Variants in KDM7A observed in about 807,000 individuals in gnomAD.
The protein encoded by KDM7A is lysine-specific demethylase 7A.
KDM7A carries 28 observed loss-of-function variants against 114.8 expected under a neutral mutation model. The observed-to-expected ratio is 0.24, with a 90% confidence interval of 0.18 to 0.33. KDM7A has a LOEUF of 0.33. Ranked by LOEUF, KDM7A falls within the 10% of genes least tolerant of loss-of-function variation. KDM7A has a pLI of 1.00. For missense variants in KDM7A, 942 were observed against 1,142.5 expected (o/e 0.82, Z 2.53); for synonymous variants, 423 against 397.8 (o/e 1.06, Z -0.75).
intron 1 of KDM7A, among the ~76,000 whole-genome samples, chr7:140,161,870 G>C (rs923745433): frequency 7.2e-5 from 11 of 152,100 alleles, no homozygotes; most frequent in African/African-American, 2.7e-4. Flanking sequence ...AAGGGATACT[G>C]TATATATCAA....
intron 1 of KDM7A, among the ~76,000 whole-genome samples, chr7:140,170,013 T>C (rs1794620752): frequency 6.6e-6 from 1 of 152,148 alleles, no homozygotes. Context: ...ACAATGAAAT[T>C]GAGAAGTTCA....
intron 1 of KDM7A, among the ~76,000 whole-genome samples, chr7:140,146,004 T>C (rs974405900): frequency 6.6e-6 from 1 of 152,200 alleles, no homozygotes; most frequent in Non-Finnish European, 1.5e-5. Flanking sequence ...CTCTCTCTAG[T>C]GTCTACTTGT....
chr7:140,136,134 C>A (rs1425383574), intron 2 of KDM7A, among the ~76,000 whole-genome samples: 2 of 152,110 alleles, frequency 1.3e-5, no homozygotes, highest in Non-Finnish European at 2.9e-5. Context: ...TGAAGTGCAT[C>A]AGCTTTGGAA....
intron 11 of KDM7A, among the ~76,000 whole-genome samples, chr7:140,110,857 T>A (rs1392553699): frequency 6.6e-6 from 1 of 152,226 alleles, no homozygotes; most frequent in East Asian, 1.9e-4. Flanking sequence ...TTTTTTTAAG[T>A]ATCCTAAACT....
At chr7:140,117,713 C>T (rs1208074991) in intron 9 of KDM7A, among the ~76,000 whole-genome samples, 1 of 152,170 alleles carries the variant, frequency 6.6e-6, no homozygotes, top group African/African-American at 2.4e-5. Flanking sequence ...AGACTATAAA[C>T]TCTATTGTCC....
chr7:140,091,034 C>T lies in KDM7A; in HGVS notation c.*60G>A. On this transcript the variant is annotated 3_prime_UTR_variant, in exon 20 of 20. Transcript: ENST00000397560. The stretch of plus-strand genomic sequence containing the variant: ...CCAGGCAGGGGGACAGCGGAAGCTC[C>T]AGGCTCCTGCACCCCTAGACTGGTC... 1 of 1,228,424 alleles carries T rather than the reference C, an allele frequency of 8.1e-7. No homozygotes were observed. The highest frequency in any genetic ancestry group is 1.2e-6 in the Non-Finnish European group (1 of 829,220). The allele number at this position is 1,228,424 out of a possible 1,614,324, so 76.1% of individuals were successfully genotyped here. A position where few individuals can be genotyped will look rare whatever the true frequency, so the allele number is the denominator to read the frequency against.
chr7:140,116,916 G>C (rs1818539645), intron 9 of KDM7A, among the ~76,000 whole-genome samples: 1 of 152,212 alleles, frequency 6.6e-6, no homozygotes, highest in Non-Finnish European at 1.5e-5. Context: ...AAGAGTTTCA[G>C]GTGATTCAAC....
At chr7:140,102,862 T>G (rs1818255711) in intron 11 of KDM7A, among the ~76,000 whole-genome samples, 1 of 152,250 alleles carries the variant, frequency 6.6e-6, no homozygotes, top group Non-Finnish European at 1.5e-5. Context: ...GTTTTAAAAA[T>G]TAAATATTCT....
intron 1 of KDM7A, among the ~76,000 whole-genome samples, chr7:140,166,335 C>CTT (rs746518929): frequency 8.2e-4 from 105 of 128,642 alleles, no homozygotes; most frequent in East Asian, 1.3e-3. Flanking sequence ...CTTTTTTTTC[C>CTT]TTTTTTTTTT....
chr7:140,147,316 T>C (rs1794349582), intron 1 of KDM7A, among the ~76,000 whole-genome samples: 1 of 152,206 alleles, frequency 6.6e-6, no homozygotes, highest in Non-Finnish European at 1.5e-5. Context: ...GCAAACTTAC[T>C]TGAAAACTAA....
At chr7:140,095,994 T>C (rs1818102716) in intron 17 of KDM7A, among the ~76,000 whole-genome samples, 1 of 152,210 alleles carries the variant, frequency 6.6e-6, no homozygotes, top group South Asian at 2.1e-4. Context: ...AGGCATTCAA[T>C]TTTAATATAG....
At chr7:140,117,187 A>G (rs1232970292) in intron 9 of KDM7A, among the ~76,000 whole-genome samples, 1 of 152,230 alleles carries the variant, frequency 6.6e-6, no homozygotes, top group Non-Finnish European at 1.5e-5. Context: ...GAAACATCTT[A>G]AAACAACCCA....
intron 13 of KDM7A, among the ~76,000 whole-genome samples, chr7:140,099,247 T>G (rs1818163623): frequency 6.6e-6 from 1 of 152,156 alleles, no homozygotes; most frequent in Admixed American, 6.5e-5. Context: ...CTGGCTGGAG[T>G]GCAGTGGCAC....
chr7:140,158,737 T>C (rs575582662), intron 1 of KDM7A, among the ~76,000 whole-genome samples: 5 of 152,190 alleles, frequency 3.3e-5, no homozygotes, highest in Non-Finnish European at 7.4e-5. Flanking sequence ...AGTTAAGAAC[T>C]GAGAAGGAGG....
intron 13 of KDM7A, among the ~76,000 whole-genome samples, 170 bp downstream of exon 13, chr7:140,099,729 A>G (rs1818171702): frequency 6.6e-6 from 1 of 152,220 alleles, no homozygotes; most frequent in African/African-American, 2.4e-5. Flanking sequence ...CTAATGCCTG[A>G]TGATATGAGG....
intron 7 of KDM7A, among the ~76,000 whole-genome samples, chr7:140,121,815 G>A (rs1818622009): frequency 6.6e-6 from 1 of 152,032 alleles, no homozygotes; most frequent in African/African-American, 2.4e-5. Flanking sequence ...ATATATATCT[G>A]TATATACAGA....
intron 9 of KDM7A, among the ~76,000 whole-genome samples, chr7:140,116,656 G>C (rs987225392): frequency 3.3e-5 from 5 of 152,120 alleles, no homozygotes; most frequent in Non-Finnish European, 7.4e-5. Flanking sequence ...GTGTGTGTAT[G>C]CAGTGCGTGT....
chr7:140,135,847 A>G (rs1441187646), intron 2 of KDM7A, among the ~76,000 whole-genome samples: 1 of 151,934 alleles, frequency 6.6e-6, no homozygotes. Flanking sequence ...CCTTACTAGT[A>G]TTATATAAGA....
chr7:140,118,265 C>T (rs1214262983), intron 9 of KDM7A, among the ~76,000 whole-genome samples: 1 of 152,198 alleles, frequency 6.6e-6, no homozygotes, highest in African/African-American at 2.4e-5. Context: ...AAGCAAGTGA[C>T]ATCAGTCTCC....
Sources: gnomAD v4.1 joint callset for allele counts (sites outside exome capture counted in the v4.1 genomes callset) on GRCh38, gnomAD v4.1.1 for gene constraint, MANE v1.5 for transcripts, NCBI Gene and HGNC (gene_info 2026-07-23, HGNC 2026-07-21) for gene names.